IL1RAPL2: variants seen among roughly 807,000 people sequenced by gnomAD.
IL1RAPL2 encodes X-linked interleukin-1 receptor accessory protein-like 2.
IL1RAPL2 carries 3 observed loss-of-function variants against 44.1 expected under a neutral mutation model. The ratio of observed to expected loss-of-function variants is 0.07; its 90% CI spans 0.03 to 0.18. The LOEUF (loss-of-function observed/expected upper bound fraction) is 0.18. Ranked by LOEUF, IL1RAPL2 falls within the 10% of genes least tolerant of loss-of-function variation. The probability of loss-of-function intolerance (pLI) is 1.00; values close to 1 mark genes in which losing one functional copy is unlikely to be tolerated. For missense variants in IL1RAPL2, 391 were observed against 496.4 expected (o/e 0.79, Z 2.02); for synonymous variants, 181 against 178.8 (o/e 1.01, Z -0.10).
rs1314623652 is a variant in IL1RAPL2 at position 105,341,593 on chromosome X, C to CT, written c.697+74058dup. The stretch of plus-strand genomic sequence containing the variant: ...TTAACTTTCTGTATAAATCAAGCAC[C>CT]TTTTTTATACAACCTTATGAGAACT... On this transcript the variant is annotated intron_variant, in intron 5 of 10. Coordinates refer to ENST00000372582, the MANE Select transcript of IL1RAPL2 (RefSeq NM_017416.2). 8.1e-5 allele frequency among the ~76,000 whole-genome samples: 9 copies of CT among 111,764 alleles called. No homozygotes were observed. The East Asian group carries it at 1.7e-3, about 21-fold the overall frequency.
chrX:105,500,849 A>G, intron 6 of IL1RAPL2, among the ~76,000 whole-genome samples: 1 of 111,634 alleles, frequency 9.0e-6, no homozygotes, highest in East Asian at 2.8e-4. Flanking sequence ...CTCCTGGCAA[A>G]CATTTTTTAT....
chrX:104,912,934 A>G (rs1924291246), intron 2 of IL1RAPL2, among the ~76,000 whole-genome samples: 2 of 111,970 alleles, frequency 1.8e-5, no homozygotes, highest in Admixed American at 1.9e-4. Context: ...ATCATCAAGG[A>G]TCTTACAAAA....
chrX:104,895,969 C>T (rs1923631977), intron 2 of IL1RAPL2, among the ~76,000 whole-genome samples: 1 of 112,072 alleles, frequency 8.9e-6, no homozygotes, highest in Non-Finnish European at 1.9e-5. Flanking sequence ...CTCTCCAAAA[C>T]CACCAAGGCC....
intron 5 of IL1RAPL2, among the ~76,000 whole-genome samples, chrX:105,404,739 G>A (rs2035630071): frequency 8.9e-6 from 1 of 111,763 alleles, no homozygotes; most frequent in African/African-American, 3.3e-5. Context: ...CATCTGAAAA[G>A]GTATTTTTCT....
Position 105,247,876 on chromosome X carries a change from TTTAC to T in IL1RAPL2, c.543+13879_543+13882del, listed in dbSNP as rs759495189. On this transcript the variant is annotated intron_variant, in intron 4 of 10. Coordinates refer to ENST00000372582, the MANE Select transcript of IL1RAPL2 (RefSeq NM_017416.2). Reference sequence around the variant, plus strand: ...GTGCATACATATATAAAACACATTATTTACTTACTTTCATATATACACATATATG... The same window carrying T: ...GTGCATACATATATAAAACACATTATTTACTTTCATATATACACATATATG... Among the ~76,000 whole-genome samples the T allele has an allele frequency of 3.4e-3, 377 of 110,458 alleles. 1 individual carries two copies. The highest frequency in any genetic ancestry group is 0.011 in the African/African-American group (334 of 30,403).
At position 104,904,038 on chromosome X, in the gene IL1RAPL2, A is replaced by G. The variant is rs577169799; in HGVS notation, c.82+245043A>G. Among the ~76,000 whole-genome samples, 2 of 111,052 alleles carry G rather than the reference A, an allele frequency of 1.8e-5. 1 individual carries two copies. Among genetic ancestry groups the G allele is most frequent in the Admixed American group, 1.9e-4 (2 of 10,426 alleles). The stretch of plus-strand genomic sequence containing the variant: ...AGTTTGGATTGTTGAGTCCAAGGAG[A>G]GGAAGATTTTTGGGTCAGAAGATTC... On this transcript the variant is annotated intron_variant, in intron 2 of 10. Coordinates refer to ENST00000372582, the MANE Select transcript of IL1RAPL2 (RefSeq NM_017416.2).
At chrX:104,853,046 T>C (rs1922269499) in intron 2 of IL1RAPL2, among the ~76,000 whole-genome samples, 1 of 112,016 alleles carries the variant, frequency 8.9e-6, no homozygotes, top group African/African-American at 3.2e-5. Flanking sequence ...GTTTAAAGTC[T>C]GCCTGTAAGC....
chrX:105,146,541 A>T (rs1048736933), intron 2 of IL1RAPL2, among the ~76,000 whole-genome samples: 2 of 111,737 alleles, frequency 1.8e-5, no homozygotes, highest in African/African-American at 3.3e-5. Flanking sequence ...TTAATTTTTT[A>T]AAAAATATAG....
chrX:104,679,853 A>G (rs1343544829), intron 2 of IL1RAPL2, among the ~76,000 whole-genome samples: 2 of 112,083 alleles, frequency 1.8e-5, no homozygotes, highest in African/African-American at 6.5e-5. Context: ...CTATAAACCC[A>G]TAGGTTCAGG....
At chrX:105,040,910 C>G (rs1332855144) in intron 2 of IL1RAPL2, among the ~76,000 whole-genome samples, 12 of 99,231 alleles carry the variant, frequency 1.2e-4, no homozygotes, top group African/African-American at 4.0e-4. Flanking sequence ...TTATTTCTTG[C>G]CTTCTGCTAG....
chrX:105,432,696 T>C (rs2035856537), intron 5 of IL1RAPL2, among the ~76,000 whole-genome samples: 1 of 111,140 alleles, frequency 9.0e-6, no homozygotes, highest in African/African-American at 3.3e-5. Context: ...TGTACAAGGT[T>C]ATTTGGGGAG....
At chrX:105,071,143 C>A (rs1366558016) in intron 2 of IL1RAPL2, among the ~76,000 whole-genome samples, 1 of 111,273 alleles carries the variant, frequency 9.0e-6, no homozygotes. Context: ...TAGAAAACCC[C>A]TAAAGACTCC....
At chrX:105,470,844 G>A (rs2036161228) in intron 5 of IL1RAPL2, among the ~76,000 whole-genome samples, 1 of 111,552 alleles carries the variant, frequency 9.0e-6, no homozygotes, top group South Asian at 3.8e-4. Context: ...TTTGAAGTGA[G>A]TGAGTCTTGC....
chrX:105,387,919 C>T (rs1028716324), intron 5 of IL1RAPL2, among the ~76,000 whole-genome samples: 23 of 107,340 alleles, frequency 2.1e-4, no homozygotes, highest in African/African-American at 7.4e-4. Context: ...GAGACCGAGG[C>T]GGGTGGATCA....
chrX:105,351,850 A>G (rs1465652583), intron 5 of IL1RAPL2, among the ~76,000 whole-genome samples: 1 of 112,064 alleles, frequency 8.9e-6, no homozygotes. Flanking sequence ...ATTAATAGAT[A>G]ATAATTTATT....
At chrX:105,220,204 T>C in intron 3 of IL1RAPL2, 1 of 1,211,662 alleles carries the variant, frequency 8.3e-7, no homozygotes, top group Non-Finnish European at 1.1e-6. Context: ...GGTGCAGGCC[T>C]CTTTGACCTC....
intron 2 of IL1RAPL2, among the ~76,000 whole-genome samples, chrX:104,920,863 A>G (rs1924616739): frequency 9.1e-6 from 1 of 110,360 alleles, no homozygotes; most frequent in South Asian, 4.0e-4. Context: ...AAGAACCAAA[A>G]TATTGAGTAT....
At chrX:105,223,627 A>G (rs1440537361) in intron 3 of IL1RAPL2, among the ~76,000 whole-genome samples, 1 of 112,028 alleles carries the variant, frequency 8.9e-6, no homozygotes, top group Non-Finnish European at 1.9e-5. Flanking sequence ...GAAAGTGAAG[A>G]CAGAGAAACC....
chrX:105,182,753 A>C (rs1556131652), intron 2 of IL1RAPL2, among the ~76,000 whole-genome samples: 1 of 111,340 alleles, frequency 9.0e-6, no homozygotes, highest in Non-Finnish European at 1.9e-5. Flanking sequence ...GGTTTTCTAT[A>C]GTGGCAGCAG....
Sources: allele counts gnomAD v4.1 joint callset (sites outside exome capture counted in the v4.1 genomes callset), GRCh38; gene constraint gnomAD v4.1.1; transcripts MANE v1.5; gene names NCBI Gene and HGNC (gene_info 2026-07-23, HGNC 2026-07-21).